The following MICU1 variants were observed in gnomAD, a reference collection of about 807,000 sequenced individuals.
MICU1 encodes mitochondrial calcium uptake 1, also known as calcium uptake protein 1, mitochondrial.
A neutral mutation model predicts 56.8 loss-of-function variants in MICU1; 45 were observed. The ratio of observed to expected loss-of-function variants is 0.79; its 90% CI spans 0.62 to 1.02. The LOEUF (loss-of-function observed/expected upper bound fraction) is 1.02. MICU1 is among the 50% of genes least tolerant of loss of function. The pLI is 0.00. For synonymous variants in MICU1, 186 were observed against 195.1 expected (o/e 0.95, Z 0.39); for missense variants, 504 against 587.1 (o/e 0.86, Z 1.46).
chr10:72,546,530 A>G (rs1839897581), intron 4 of MICU1, among the ~76,000 whole-genome samples: 1 of 152,164 alleles, frequency 6.6e-6, no homozygotes, highest in Non-Finnish European at 1.5e-5. Context: ...GCTACACTGG[A>G]GCCTCTCTGA....
intron 10 of MICU1, among the ~76,000 whole-genome samples, chr10:72,388,403 G>A (rs764260798): frequency 9.9e-5 from 15 of 152,172 alleles, no homozygotes; most frequent in Admixed American, 2.6e-4. Flanking sequence ...GGTTTCCTCA[G>A]TGAAAAGTAA....
chr10:72,504,303 A>G (rs1360751732), intron 6 of MICU1, among the ~76,000 whole-genome samples: 1 of 152,196 alleles, frequency 6.6e-6, no homozygotes, highest in Non-Finnish European at 1.5e-5. Flanking sequence ...AATAGAACAG[A>G]AAACCCGGAA....
intron 10 of MICU1, among the ~76,000 whole-genome samples, chr10:72,388,448 A>T (rs1203222654): frequency 6.6e-6 from 1 of 152,224 alleles, no homozygotes; most frequent in Non-Finnish European, 1.5e-5. Flanking sequence ...AGATGTGTCT[A>T]CTAAGGCGTT....
At chr10:72,444,264 C>A (rs1865034572) in intron 8 of MICU1, among the ~76,000 whole-genome samples, 1 of 151,882 alleles carries the variant, frequency 6.6e-6, no homozygotes, top group Admixed American at 6.6e-5. Flanking sequence ...GGAGATATAC[C>A]TAATGCTAGA....
intron 1 of MICU1, among the ~76,000 whole-genome samples, chr10:72,589,762 T>C (rs1186809258): frequency 1.3e-5 from 2 of 152,118 alleles, no homozygotes; most frequent in East Asian, 3.8e-4. Flanking sequence ...TGATAAATGA[T>C]AAAACCATAG....
At chr10:72,517,781 CT>C (rs67568584) in intron 5 of MICU1, among the ~76,000 whole-genome samples, 76,838 of 146,366 alleles carry the variant, frequency 0.52, 21,426 homozygotes, top group Non-Finnish European at 0.67. Flanking sequence ...GGAAATAAAA[CT>C]TTTTTTTTTT....
intron 9 of MICU1, among the ~76,000 whole-genome samples, chr10:72,415,882 C>T (rs1863967113): frequency 6.6e-6 from 1 of 152,170 alleles, no homozygotes; most frequent in Non-Finnish European, 1.5e-5. Context: ...CTGGTGCCGC[C>T]TTCCTAAGAC....
At chr10:72,619,538 C>T (rs937065520) in intron 1 of MICU1, among the ~76,000 whole-genome samples, 5 of 152,134 alleles carry the variant, frequency 3.3e-5, no homozygotes, top group Admixed American at 2.0e-4. Flanking sequence ...GTGACAAAGA[C>T]TCTGTTATGT....
At chr10:72,445,870 C>T (rs993697044) in intron 8 of MICU1, among the ~76,000 whole-genome samples, 2 of 152,094 alleles carry the variant, frequency 1.3e-5, no homozygotes, top group African/African-American at 4.8e-5. Flanking sequence ...GATGTGAAAC[C>T]ATATAAAAGC....
chr10:72,543,573 G>A (rs1005732131), intron 4 of MICU1, among the ~76,000 whole-genome samples: 1 of 152,034 alleles, frequency 6.6e-6, no homozygotes, highest in Non-Finnish European at 1.5e-5. Context: ...AGGATACTTA[G>A]GGACGAACGT....
chr10:72,450,190 T>C (rs997556470), intron 8 of MICU1, among the ~76,000 whole-genome samples: 2 of 151,546 alleles, frequency 1.3e-5, no homozygotes, highest in African/African-American at 4.8e-5. Flanking sequence ...TTTGGAAATG[T>C]GTAACAAAAA....
intron 5 of MICU1, among the ~76,000 whole-genome samples, chr10:72,514,414 ACAT>A (rs1200655031): frequency 6.6e-6 from 1 of 151,690 alleles, no homozygotes; most frequent in Non-Finnish European, 1.5e-5. Context: ...TTGAAACTGG[ACAT>A]TTTGTATATT....
At chr10:72,438,159 C>T (rs1036476110) in intron 8 of MICU1, among the ~76,000 whole-genome samples, 16 of 152,262 alleles carry the variant, frequency 1.1e-4, no homozygotes, top group East Asian at 1.9e-4. Context: ...TAAAGTACTC[C>T]TCAGCAAATG....
intron 4 of MICU1, among the ~76,000 whole-genome samples, chr10:72,541,159 A>ATCTT (rs1365572120): frequency 3.9e-5 from 6 of 152,204 alleles, no homozygotes; most frequent in Non-Finnish European, 8.8e-5. Flanking sequence ...CCCGGGCAAG[A>ATCTT]GCCCGGGAAT....
At chr10:72,512,093 C>T (rs1008788911) in intron 5 of MICU1, among the ~76,000 whole-genome samples, 2 of 136,272 alleles carry the variant, frequency 1.5e-5, no homozygotes, top group South Asian at 2.3e-4. Context: ...GGCATCCATA[C>T]ACAGTTGTTT....
At chr10:72,516,777 C>T (rs976269710) in intron 5 of MICU1, among the ~76,000 whole-genome samples, 2 of 152,126 alleles carry the variant, frequency 1.3e-5, no homozygotes, top group Non-Finnish European at 2.9e-5. Context: ...GGTCTCTGTT[C>T]TGTTCCATTG....
intron 5 of MICU1, among the ~76,000 whole-genome samples, chr10:72,516,532 T>C (rs925629063): frequency 2.6e-5 from 4 of 152,220 alleles, no homozygotes; most frequent in African/African-American, 7.2e-5. Context: ...TGAATGGTAT[T>C]GCCTAGGTTT....
chr10:72,525,880 T>G (rs1250281174), intron 5 of MICU1, among the ~76,000 whole-genome samples: 1 of 152,120 alleles, frequency 6.6e-6, no homozygotes, highest in African/African-American at 2.4e-5. Context: ...AATACAGGAC[T>G]GTCTATATCC....
intron 6 of MICU1, among the ~76,000 whole-genome samples, chr10:72,498,478 T>C (rs1866922480): frequency 2.0e-5 from 3 of 152,126 alleles, no homozygotes; most frequent in South Asian, 4.2e-4. Flanking sequence ...CCCAGCTACT[T>C]GGGAGGTTGA....
Sources: allele counts gnomAD v4.1 joint callset (sites outside exome capture counted in the v4.1 genomes callset), GRCh38; gene constraint gnomAD v4.1.1; transcripts MANE v1.5; gene names NCBI Gene and HGNC (gene_info 2026-07-23, HGNC 2026-07-21).